FCHSD2: variants seen among roughly 807,000 people sequenced by gnomAD.
The protein encoded by FCHSD2 is F-BAR and double SH3 domains protein 2.
In FCHSD2, 38 loss-of-function variants were observed where a neutral mutation model predicts 108.1. The ratio of observed to expected loss-of-function variants is 0.35; its 90% CI spans 0.27 to 0.46. FCHSD2 has a LOEUF of 0.46. Among genes scored for constraint, FCHSD2 ranks in the 20% least tolerant of loss-of-function variants. The pLI is 1.00. For synonymous variants in FCHSD2, 279 were observed against 314.7 expected, an observed-to-expected ratio of 0.89 and a Z score of 1.20; for missense variants, 751 against 897.8, an observed-to-expected ratio of 0.84 and a Z score of 2.09.
At chr11:72,891,783 T>C (rs1020599907) in intron 10 of FCHSD2, among the ~76,000 whole-genome samples, 1 of 152,232 alleles carries the variant, frequency 6.6e-6, no homozygotes, top group Non-Finnish European at 1.5e-5. Flanking sequence ...CGTAGCTACA[T>C]CTGAAAACTA....
chr11:73,014,371 C>G (rs567808812), intron 4 of FCHSD2, among the ~76,000 whole-genome samples: 1 of 151,920 alleles, frequency 6.6e-6, no homozygotes, highest in Non-Finnish European at 1.5e-5. Flanking sequence ...TCAAGTGATC[C>G]TTCCACCTCG....
chr11:73,129,226 C>T (rs144772331), intron 2 of FCHSD2, among the ~76,000 whole-genome samples: 132 of 152,240 alleles, frequency 8.7e-4, no homozygotes, highest in African/African-American at 2.9e-3. Context: ...TACAGCTGGG[C>T]GCCATAATTT....
intron 5 of FCHSD2, among the ~76,000 whole-genome samples, chr11:72,991,804 A>T (rs1460219641): frequency 6.6e-6 from 1 of 152,218 alleles, no homozygotes; most frequent in Non-Finnish European, 1.5e-5. Context: ...AGCCAATATC[A>T]TACTGAATGG....
chr11:72,919,837 C>T (rs1344113963), intron 9 of FCHSD2, among the ~76,000 whole-genome samples: 1 of 151,408 alleles, frequency 6.6e-6, no homozygotes, highest in Admixed American at 6.6e-5. Context: ...ATTAAAAATA[C>T]AATTTATAAT....
At position 72,910,103 on chromosome 11, in the gene FCHSD2, G is replaced by A. The variant is rs529200649; in HGVS notation, c.829-7465C>T. Among the ~76,000 whole-genome samples the A allele has an allele frequency of 6.3e-5, 9 of 142,774 alleles. No homozygotes were observed. The South Asian group carries it at 1.8e-3, about 29-fold the overall frequency. The allele number at this position is 142,774 out of a possible 152,430, so 93.7% of individuals were successfully genotyped here. ...TGGGAGGTGAGGAGCCCCTCTGCCCGGCCACCCATCGTCTGGGAAGTGAGG... is the reference window on the plus strand; with the variant it reads ...TGGGAGGTGAGGAGCCCCTCTGCCCAGCCACCCATCGTCTGGGAAGTGAGG... On this transcript the variant is annotated intron_variant, in intron 9 of 19. Coordinates refer to ENST00000409418, the MANE Select transcript of FCHSD2 (RefSeq NM_014824.3).
intron 10 of FCHSD2, among the ~76,000 whole-genome samples, chr11:72,899,715 G>A (rs1483258093): frequency 1.8e-5 from 2 of 112,614 alleles, no homozygotes; most frequent in Non-Finnish European, 3.3e-5. Context: ...CAGTCTGGGT[G>A]ACAGAGTAAG....
intron 9 of FCHSD2, among the ~76,000 whole-genome samples, chr11:72,914,905 G>C (rs1855840410): frequency 6.7e-6 from 1 of 149,338 alleles, no homozygotes; most frequent in Non-Finnish European, 1.5e-5. Flanking sequence ...AAACTTAAGA[G>C]CTTCTGCACA....
intron 8 of FCHSD2, among the ~76,000 whole-genome samples, chr11:72,969,474 T>C (rs771728363): frequency 1.3e-5 from 2 of 152,208 alleles, no homozygotes; most frequent in Non-Finnish European, 2.9e-5. Context: ...AGATGAATCT[T>C]TGTCTTAATT....
At chr11:72,880,884 A>AAAC (rs944564985) in intron 12 of FCHSD2, among the ~76,000 whole-genome samples, 26 of 151,748 alleles carry the variant, frequency 1.7e-4, no homozygotes, top group East Asian at 3.9e-4. Context: ...AAAAAAAAGA[A>AAAC]AACAACAACA....
chr11:72,983,829 C>G (rs1173322904), intron 8 of FCHSD2: 1 of 554,570 alleles, frequency 1.8e-6, no homozygotes, highest in East Asian at 4.4e-5. Context: ...TCAATAACCA[C>G]TAGATAACAA....
At chr11:72,850,520 A>AT (rs1267661936) in intron 13 of FCHSD2, among the ~76,000 whole-genome samples, 2 of 149,616 alleles carry the variant, frequency 1.3e-5, no homozygotes, top group Non-Finnish European at 3.0e-5. Context: ...CGCCCGGCTA[A>AT]TTTTTTGTAT....
At chr11:72,916,658 G>A (rs1203120836) in intron 9 of FCHSD2, among the ~76,000 whole-genome samples, 1 of 152,160 alleles carries the variant, frequency 6.6e-6, no homozygotes, top group African/African-American at 2.4e-5. Context: ...ATGTTGAGTT[G>A]TAAGAGTTCT....
chr11:73,134,119 C>T (rs909592125), intron 2 of FCHSD2, among the ~76,000 whole-genome samples: 1 of 151,546 alleles, frequency 6.6e-6, no homozygotes, highest in Non-Finnish European at 1.5e-5. Context: ...AAACTCTAGA[C>T]CAGATTAGAT....
chr11:73,135,671 A>G (rs970689957), intron 2 of FCHSD2, among the ~76,000 whole-genome samples: 2 of 152,192 alleles, frequency 1.3e-5, no homozygotes, highest in African/African-American at 2.4e-5. Flanking sequence ...ACATCAGTAT[A>G]AAACCTCCAC....
chr11:73,118,670 T>C (rs1860660719), intron 2 of FCHSD2, among the ~76,000 whole-genome samples: 1 of 152,230 alleles, frequency 6.6e-6, no homozygotes, highest in African/African-American at 2.4e-5. Flanking sequence ...TCATTACTGA[T>C]TTCTATTTTC....
chr11:73,058,472 CAT>C (rs1859083088), intron 3 of FCHSD2, among the ~76,000 whole-genome samples: 1 of 151,998 alleles, frequency 6.6e-6, no homozygotes, highest in South Asian at 2.1e-4. Flanking sequence ...TAGTATAACA[CAT>C]GATAGAAAGA....
At chr11:73,087,196 T>G (rs1438212260) in intron 2 of FCHSD2, among the ~76,000 whole-genome samples, 1 of 152,082 alleles carries the variant, frequency 6.6e-6, no homozygotes, top group African/African-American at 2.4e-5. Flanking sequence ...GTCTTTGTTT[T>G]TGACAAAAAA....
At chr11:72,873,629 G>C (rs977790677) in intron 12 of FCHSD2, among the ~76,000 whole-genome samples, 2 of 151,982 alleles carry the variant, frequency 1.3e-5, no homozygotes, top group Non-Finnish European at 2.9e-5. Context: ...TTAGGCTTTG[G>C]TGTTATATCT....
At chr11:72,931,496 G>A (rs376047908) in intron 8 of FCHSD2, among the ~76,000 whole-genome samples, 1 of 151,346 alleles carries the variant, frequency 6.6e-6, no homozygotes, top group Non-Finnish European at 1.5e-5. Context: ...GCCAGGCATG[G>A]TGGCTCACGC....
Sources: allele counts gnomAD v4.1 joint callset (sites outside exome capture counted in the v4.1 genomes callset), GRCh38; gene constraint gnomAD v4.1.1; transcripts MANE v1.5; gene names NCBI Gene and HGNC (gene_info 2026-07-23, HGNC 2026-07-21).